Variants in CACHD1 observed in about 807,000 individuals in gnomAD.
The protein encoded by CACHD1 is cache domain containing 1, also known as VWFA and cache domain-containing protein 1.
Under a neutral mutation model 138.7 loss-of-function variants are expected in CACHD1, and 71 were observed. The observed-to-expected ratio is 0.51, with a 90% confidence interval of 0.42 to 0.62. CACHD1 has a LOEUF of 0.62. Among genes scored for constraint, CACHD1 ranks in the 20% least tolerant of loss-of-function variants. The pLI is 0.00. For synonymous variants in CACHD1, 578 were observed against 591.5 expected (o/e 0.98, Z 0.33); for missense variants, 1,389 against 1,625.3 (o/e 0.85, Z 2.50).
At chr1:64,478,939 T>A (rs1252167479) in intron 1 of CACHD1, among the ~76,000 whole-genome samples, 1 of 147,424 alleles carries the variant, frequency 6.8e-6, no homozygotes, top group Non-Finnish European at 1.5e-5. Flanking sequence ...GTTTTTTCCA[T>A]AAAATATCTT....
intron 8 of CACHD1, among the ~76,000 whole-genome samples, chr1:64,646,902 C>A (rs1194843630): frequency 6.6e-6 from 1 of 152,072 alleles, no homozygotes; most frequent in Non-Finnish European, 1.5e-5. Context: ...TTGAATAGTT[C>A]ATGGTTTGGT....
chr1:64,508,771 A>G (rs1646396586), intron 1 of CACHD1, among the ~76,000 whole-genome samples: 1 of 152,194 alleles, frequency 6.6e-6, no homozygotes, highest in South Asian at 2.1e-4. Context: ...AGACACTACC[A>G]GGTCTGACAC....
At position 64,689,297 on chromosome 1, in the gene CACHD1, T is replaced by G. The variant is rs191531582; in HGVS notation, c.3587-2026T>G. ...AAGCTGTGCATAAACAAAATGTGTC[T>G]TCTTTCCTGAGACTCAATCTGTGAG... On this transcript the variant is annotated intron_variant, in intron 26 of 26. Transcript: ENST00000651257. 3.9e-5 allele frequency among the ~76,000 whole-genome samples: 6 copies of G among 152,340 alleles called. No individual in the cohort carries two copies. The East Asian group carries it at 1.2e-3, about 29-fold the overall frequency.
chr1:64,672,641 T>TGGG (rs1166924814), intron 17 of CACHD1, among the ~76,000 whole-genome samples: 1 of 152,184 alleles, frequency 6.6e-6, no homozygotes, highest in Non-Finnish European at 1.5e-5. Context: ...AGGCATCCAT[T>TGGG]GGGGGTCTTG....
chr1:64,657,186 A>C (rs1454600950), intron 12 of CACHD1, among the ~76,000 whole-genome samples: 2 of 152,152 alleles, frequency 1.3e-5, no homozygotes, highest in East Asian at 3.8e-4. Context: ...GCTTCACTTC[A>C]AAACATGGAT....
At chr1:64,678,363 C>T in intron 23 of CACHD1, 53 bp downstream of exon 23, 2 of 1,473,670 alleles carry the variant, frequency 1.4e-6, no homozygotes, top group Non-Finnish European at 1.8e-6. Flanking sequence ...CAATTTCCTG[C>T]CTATATGCTA....
chr1:64,688,668 CT>C (rs1223176357), intron 26 of CACHD1, among the ~76,000 whole-genome samples: 1 of 152,120 alleles, frequency 6.6e-6, no homozygotes. Context: ...CCATTGCCCC[CT>C]GACCACTCCC....
At chr1:64,514,426 A>C (rs1185331179) in intron 1 of CACHD1, among the ~76,000 whole-genome samples, 1 of 152,248 alleles carries the variant, frequency 6.6e-6, no homozygotes, top group African/African-American at 2.4e-5. Flanking sequence ...GACTCTTGCC[A>C]GCTTGACTGT....
intron 5 of CACHD1, among the ~76,000 whole-genome samples, chr1:64,631,491 T>C (rs1340593603): frequency 6.6e-6 from 1 of 152,200 alleles, no homozygotes; most frequent in Non-Finnish European, 1.5e-5. Context: ...TTGAGTTTTT[T>C]TGGTACTTTG....
rs1483551105 is a variant in CACHD1 at position 64,681,277 on chromosome 1, C to A, written c.3426C>A (p.Ser1142=). ...GGGTAGAAATGTCAGTGCGTATGTCCAACCTGGAGAATGACAGAGATGAAA... is the reference window on the plus strand; with the variant it reads ...GGGTAGAAATGTCAGTGCGTATGTCAAACCTGGAGAATGACAGAGATGAAA... ...LAAQEMSVRM[S]NLENDRDERD... The change falls in exon 25 of 27, where the codon TCC becomes TCA. Residue 1142 remains serine, a synonymous_variant. Transcript: ENST00000651257. 2.5e-6 allele frequency: 4 copies of A among 1,613,520 alleles called. No individual in the cohort carries two copies. In the African/African-American group the frequency reaches 5.3e-5, roughly 22 times the overall value.
chr1:64,472,402 AT>A (rs1646151129), intron 1 of CACHD1, among the ~76,000 whole-genome samples: 1 of 152,166 alleles, frequency 6.6e-6, no homozygotes, highest in Admixed American at 6.5e-5. Flanking sequence ...GACCACCGGA[AT>A]TTTTTAAAGG....
chr1:64,671,834 C>G, intron 17 of CACHD1, 148 bp downstream of exon 17: 1 of 948,118 alleles, frequency 1.1e-6, no homozygotes. Flanking sequence ...GGTTTTTGTT[C>G]TTTTTCTCTT....
intron 4 of CACHD1, among the ~76,000 whole-genome samples, chr1:64,614,560 C>T (rs1325994267): frequency 2.0e-5 from 3 of 151,936 alleles, no homozygotes; most frequent in Non-Finnish European, 2.9e-5. Context: ...CTAGACACCC[C>T]GCTGGGTACC....
At chr1:64,589,719 A>T (rs916037026) in intron 3 of CACHD1, among the ~76,000 whole-genome samples, 1 of 152,150 alleles carries the variant, frequency 6.6e-6, no homozygotes, top group Non-Finnish European at 1.5e-5. Flanking sequence ...ATGGAGAATA[A>T]TCAACTTTAC....
intron 5 of CACHD1, among the ~76,000 whole-genome samples, chr1:64,631,633 CCTT>C (rs1342859357): frequency 6.6e-6 from 1 of 152,162 alleles, no homozygotes; most frequent in Admixed American, 6.5e-5. Flanking sequence ...TTCTTAAACT[CCTT>C]CTAATTTGTT....
At chr1:64,660,083 G>A (rs1649392252) in intron 13 of CACHD1, among the ~76,000 whole-genome samples, 1 of 151,906 alleles carries the variant, frequency 6.6e-6, no homozygotes, top group Non-Finnish European at 1.5e-5. Context: ...TGGTCTTTGG[G>A]GTTTTGTTTG....
intron 3 of CACHD1, among the ~76,000 whole-genome samples, chr1:64,598,098 G>A (rs570017390): frequency 3.3e-5 from 5 of 152,288 alleles, no homozygotes; most frequent in South Asian, 2.1e-4. Context: ...TTATCCCTGC[G>A]TGTGGAGTCC....
Position 64,663,799 on chromosome 1 carries a change from A to G in CACHD1, c.2056A>G (p.Ser686Gly). 1 of 1,614,040 alleles carries G rather than the reference A, an allele frequency of 6.2e-7. No individual in the cohort carries two copies. The highest frequency in any genetic ancestry group is 8.5e-7 in the Non-Finnish European group (1 of 1,179,968). ...RMVEHYTAYL[S>G]DNTRLIANPG... ...GGTAGAGCACTACACCGCCTATCTC[A>G]GCGACAACACCCGCCTCATTGCTAA... The change falls in exon 14 of 27, where the codon AGC becomes GGC. Residue 686 changes from serine to glycine, a missense_variant. By Grantham distance (56) the Ser-to-Gly change is moderately conservative. Transcript: ENST00000651257.
chr1:64,691,120 C>T (rs1227171295), intron 26 of CACHD1, among the ~76,000 whole-genome samples: 1 of 151,026 alleles, frequency 6.6e-6, no homozygotes, highest in Non-Finnish European at 1.5e-5. Flanking sequence ...TTTATTGTGT[C>T]ATTGTTTTTT....
Sources: gnomAD v4.1 joint callset for allele counts (sites outside exome capture counted in the v4.1 genomes callset) on GRCh38, gnomAD v4.1.1 for gene constraint, MANE v1.5 for transcripts, NCBI Gene and HGNC (gene_info 2026-07-23, HGNC 2026-07-21) for gene names.